ASB2: variants seen among roughly 807,000 people sequenced by gnomAD.
ASB2 encodes ankyrin repeat and SOCS box protein 2.
In ASB2, 58 loss-of-function variants were observed where a neutral mutation model predicts 62.4. The observed-to-expected ratio is 0.93, with a 90% CI of 0.75 to 1.16. ASB2 has a LOEUF of 1.16. ASB2 is among the 50% of genes most tolerant of loss of function. ASB2 has a pLI of 0.00. For synonymous variants in ASB2, 386 were observed against 385.3 expected (o/e 1.00, Z -0.02); for missense variants, 928 against 887.9 (o/e 1.05, Z -0.57).
At chr14:93,950,500 C>T (rs1171900296) in intron 6 of ASB2, among the ~76,000 whole-genome samples, 1 of 152,164 alleles carries the variant, frequency 6.6e-6, no homozygotes, top group African/African-American at 2.4e-5. Flanking sequence ...AATCACTTTC[C>T]CATCCTGGTC....
chr14:93,964,550 C>T lies in ASB2; in HGVS notation c.-11G>A. 6.5e-7 allele frequency: 1 copy of T among 1,535,930 alleles called. No homozygotes were observed. The highest frequency in any genetic ancestry group is 1.2e-5 in the South Asian group (1 of 84,056). ...GATCTGCGTGGCCATCCTCCTCCAC[C>T]TCTCACCCTGGCCTCCAGAACAGAC... On this transcript the variant is annotated 5_prime_UTR_variant, in exon 2 of 10. Coordinates refer to ENST00000555019, the MANE Select transcript of ASB2 (RefSeq NM_001202429.2).
chr14:93,941,813 C>A, intron 7 of ASB2: 1 of 408,468 alleles, frequency 2.4e-6, no homozygotes, highest in Admixed American at 2.7e-5. Context: ...GGAACTTGAG[C>A]ATTGTCTCAG....
At chr14:93,944,246 G>T in intron 7 of ASB2, 2 of 225,638 alleles carry the variant, frequency 8.9e-6, no homozygotes, top group East Asian at 1.1e-4. Context: ...AACTCACACA[G>T]TTTCTTAATA....
At chr14:93,959,334 C>T (rs760382429) in intron 2 of ASB2, among the ~76,000 whole-genome samples, 19 of 152,180 alleles carry the variant, frequency 1.2e-4, no homozygotes, top group Non-Finnish European at 2.6e-4. Context: ...CAGAAGGGCT[C>T]ATTCTGGGAG....
At position 93,952,964 on chromosome 14, in the gene ASB2, G is replaced by A. The variant is rs2402376; in HGVS notation, c.634+388C>T. The stretch of plus-strand genomic sequence containing the variant: ...TCATGCCTTTGCCTGTGCGGTTCCC[G>A]CTGCTTGGCCAGCAGGTGATTCCTC... On this transcript the variant is annotated intron_variant, in intron 5 of 9. Coordinates refer to ENST00000555019, the MANE Select transcript of ASB2 (RefSeq NM_001202429.2). 3.1e-3 allele frequency among the ~76,000 whole-genome samples: 465 copies of A among 152,304 alleles called. 3 individuals carry two copies. The highest frequency in any genetic ancestry group is 0.011 in the African/African-American group (446 of 41,568).
At chr14:93,940,762 C>G (rs1471278192) in intron 7 of ASB2, among the ~76,000 whole-genome samples, 6 of 152,222 alleles carry the variant, frequency 3.9e-5, no homozygotes, top group Non-Finnish European at 8.8e-5. Flanking sequence ...CACTTTACCT[C>G]TATTCATCTG....
chr14:93,937,719 C>A lies in ASB2; in HGVS notation c.1750G>T (p.Ala584Ser). The A allele has an allele frequency of 6.2e-7, 1 of 1,610,204 alleles. No homozygotes were observed. The highest frequency in any genetic ancestry group is 8.5e-7 in the Non-Finnish European group (1 of 1,176,668). ...KEHIDSFEDW[A>S]VIKEKAEPPR... ...CTACCTGCCTTCTCCTTGATGACGG[C>A]CCAGTCCTCAAAGCTGTCGATGTGT... The change falls in exon 9 of 10, where the codon GCC becomes TCC. Residue 584 changes from alanine to serine, a missense_variant. By Grantham distance (99) the Ala-to-Ser change is moderately conservative (BLOSUM62 1). Coordinates refer to ENST00000555019, the MANE Select transcript of ASB2 (RefSeq NM_001202429.2).
At chr14:93,964,889 T>C (rs1230518181) in intron 1 of ASB2, among the ~76,000 whole-genome samples, 1 of 151,978 alleles carries the variant, frequency 6.6e-6, no homozygotes, top group African/African-American at 2.4e-5. Context: ...TACCTTCCCA[T>C]CCATCCACCC....
At chr14:93,968,337 A>G (rs1200869108) in intron 1 of ASB2, 2 of 152,208 alleles carry the variant, frequency 1.3e-5, no homozygotes, top group African/African-American at 4.8e-5. Flanking sequence ...TAATTCCTCT[A>G]CAGCCCCTCT....
Position 93,934,750 on chromosome 14 carries a change from C to G in ASB2, c.1814G>C (p.Arg605Pro). The G allele has an allele frequency of 6.2e-7, 1 of 1,613,660 alleles. No homozygotes were observed. Among genetic ancestry groups the G allele is most frequent in the Non-Finnish European group, 8.5e-7 (1 of 1,179,588 alleles). The change falls in exon 10 of 10, where the codon CGA becomes CCA. Residue 605 changes from arginine (R) to proline (P), a missense_variant. By Grantham distance (103) the Arg-to-Pro change is moderately radical. Coordinates refer to ENST00000555019, the MANE Select transcript of ASB2 (RefSeq NM_001202429.2). ...PLAHLCRLRV[R>P]KAIGKYRIKL... ...TATACGGTATTTCCCAATGGCCTTT[C>G]GAACCCGCAGTCGGCAAAGGTGAGC...
chr14:93,957,413 T>G, intron 2 of ASB2: 1 of 1,007,652 alleles, frequency 9.9e-7, no homozygotes, highest in Non-Finnish European at 1.2e-6. Context: ...GCAGACACTA[T>G]AGTAACCTCT....
chr14:93,955,995 G>A (rs1378585116), intron 3 of ASB2, among the ~76,000 whole-genome samples: 1 of 152,170 alleles, frequency 6.6e-6, no homozygotes, highest in East Asian at 1.9e-4. Flanking sequence ...AGGAAGTGGA[G>A]GGCGACAGGA....
Position 93,953,449 on chromosome 14 carries a change from T to C in ASB2, c.537A>G (p.Ala179=). Reference sequence around the variant, plus strand: ...GACAGTCCAGGTGGCCCCTGCACGTTGCCAAGTAAACGGCTGTTTCCTCCT... The same window carrying C: ...GACAGTCCAGGTGGCCCCTGCACGTCGCCAAGTAAACGGCTGTTTCCTCCT... ...TLQEETAVYL[A]TCRGHLDCLL... Residue 179 remains alanine, a synonymous_variant, in exon 5 of 10, where the codon GCA becomes GCG. Coordinates refer to ENST00000555019, the MANE Select transcript of ASB2 (RefSeq NM_001202429.2). 1 of 1,608,998 alleles carries C rather than the reference T, an allele frequency of 6.2e-7. No individual in the cohort carries two copies. Among genetic ancestry groups the C allele is most frequent in the Non-Finnish European group, 8.5e-7 (1 of 1,175,920 alleles).
At chr14:93,959,781 G>A (rs1308418490) in intron 2 of ASB2, among the ~76,000 whole-genome samples, 1 of 152,138 alleles carries the variant, frequency 6.6e-6, no homozygotes, top group African/African-American at 2.4e-5. Flanking sequence ...TAGCCTCTCG[G>A]TGAGTCAATG....
chr14:93,956,205 C>G (rs1438120182), intron 3 of ASB2, among the ~76,000 whole-genome samples: 1 of 152,190 alleles, frequency 6.6e-6, no homozygotes, highest in African/African-American at 2.4e-5. Flanking sequence ...AGCCCTGCCC[C>G]CTGGTGCCAG....
At chr14:93,948,765 C>G (rs938933256) in intron 6 of ASB2, among the ~76,000 whole-genome samples, 9 of 152,172 alleles carry the variant, frequency 5.9e-5, no homozygotes, top group African/African-American at 2.2e-4. Context: ...AGACTCTGTT[C>G]TCTACACCTA....
chr14:93,943,208 C>T (rs1465849252), intron 7 of ASB2, among the ~76,000 whole-genome samples: 2 of 152,176 alleles, frequency 1.3e-5, no homozygotes, highest in Non-Finnish European at 2.9e-5. Flanking sequence ...TCTGATTGGC[C>T]CGTAGTCGGC....
At chr14:93,964,235 G>T in intron 2 of ASB2, 99 bp downstream of exon 2, 1 of 1,093,102 alleles carries the variant, frequency 9.1e-7, no homozygotes, top group Non-Finnish European at 1.3e-6. Context: ...GCAACCTAGA[G>T]ACCAGGATAC....
chr14:93,938,382 G>T (rs1888358393), intron 8 of ASB2, among the ~76,000 whole-genome samples: 1 of 151,950 alleles, frequency 6.6e-6, no homozygotes, highest in Non-Finnish European at 1.5e-5. Context: ...TGGGACTACA[G>T]GCGCCGGCCA....
Sources: gnomAD v4.1 joint callset for allele counts (sites outside exome capture counted in the v4.1 genomes callset) on GRCh38, gnomAD v4.1.1 for gene constraint, MANE v1.5 for transcripts, NCBI Gene and HGNC (gene_info 2026-07-23, HGNC 2026-07-21) for gene names.